The following FLNC variants were observed in gnomAD, a reference collection of about 807,000 sequenced individuals.
FLNC encodes the protein filamin C, also known as filamin-C.
Under a neutral mutation model 254.3 loss-of-function variants are expected in FLNC, and 91 were observed. The observed-to-expected ratio is 0.36, with a 90% CI of 0.30 to 0.43. FLNC has a LOEUF of 0.43. Ranked by LOEUF, FLNC falls within the 20% of genes least tolerant of loss-of-function variation. The probability of loss-of-function intolerance (pLI) is 1.00; values close to 1 mark genes in which losing one functional copy is unlikely to be tolerated. For missense variants in FLNC, 2,853 were observed against 3,802.6 expected (o/e 0.75, Z 6.57); for synonymous variants, 1,430 against 1,577.2 (o/e 0.91, Z 2.21).
intron 9 of FLNC, 105 bp downstream of exon 9, chr7:128,840,265 C>A: frequency 7.2e-7 from 1 of 1,397,972 alleles, no homozygotes; most frequent in South Asian, 1.2e-5. Flanking sequence ...AGCACCACAG[C>A]TCCACAGTGA....
chr7:128,849,198 G>A lies in FLNC; in HGVS notation c.4945G>A (p.Gly1649Ser). The A allele has an allele frequency of 6.2e-7, 1 of 1,614,026 alleles. No homozygotes were observed. The highest frequency in any genetic ancestry group is 8.5e-7 in the Non-Finnish European group (1 of 1,180,012). ...CTTTCCAGTGTCCATTGGAGGCCATGGCCTGGGTGAGTGCCCTTTCTCTCC... is the reference window on the plus strand; with the variant it reads ...CTTTCCAGTGTCCATTGGAGGCCATAGCCTGGGTGAGTGCCCTTTCTCTCC... ...CLVTVSIGGH[G>S]LGACLGPRIQ... The change falls in exon 29 of 48, where the codon GGC (glycine) becomes AGC (serine). Residue 1649 changes from glycine (G) to serine (S), a missense_variant. This residue lies in a region of FLNC where 258 missense variants were observed against 312.3 expected (regional missense o/e 0.83). Coordinates refer to ENST00000325888, the MANE Select transcript of FLNC (RefSeq NM_001458.5).
intron 32 of FLNC, 29 bp from the exon 33 acceptor site, chr7:128,850,774 G>T: frequency 1.2e-6 from 2 of 1,613,498 alleles, no homozygotes; most frequent in Non-Finnish European, 1.7e-6. Context: ...GGAAACCAGG[G>T]TCTCCACGTA....
chr7:128,835,357 G>A lies in FLNC; in HGVS notation c.384G>A (p.Lys128=), dbSNP rs1402021655. 1.9e-6 allele frequency: 3 copies of A among 1,614,010 alleles called. No individual in the cohort carries two copies. Among genetic ancestry groups the A allele is most frequent in the Non-Finnish European group, 2.5e-6 (3 of 1,180,032 alleles). ...DSKAIVDGNL[K]LILGLIWTLI... Reference sequence around the variant, plus strand: ...AGGCCATCGTGGATGGGAACCTGAAGCTGATCCTGGGCCTGATCTGGACGC... The same window carrying A: ...AGGCCATCGTGGATGGGAACCTGAAACTGATCCTGGGCCTGATCTGGACGC... Residue 128 remains lysine, a synonymous_variant, in exon 2 of 48, where the codon AAG becomes AAA. Transcript: ENST00000325888. The surrounding 1 kb of genome is among the most constrained non-coding windows in gnomAD (Gnocchi z 5.3).
chr7:128,846,919 G>A lies in FLNC; in HGVS notation c.4288+14G>A. ...GGCCCATCCCAGGTGTGCAGAGAGA[G>A]TGGTCGGGGTCTCAGGGAAGACAAG... On this transcript the variant is annotated intron_variant, in intron 24 of 47. Coordinates refer to ENST00000325888, the MANE Select transcript of FLNC (RefSeq NM_001458.5). 1 of 1,614,154 alleles carries A rather than the reference G, an allele frequency of 6.2e-7. No individual in the cohort carries two copies. Among genetic ancestry groups the A allele is most frequent in the Non-Finnish European group, 8.5e-7 (1 of 1,180,030 alleles).
At position 128,849,624 on chromosome 7, in the gene FLNC, C is replaced by T. The variant is rs563197297; in HGVS notation, c.5199+46C>T. On this transcript the variant is annotated intron_variant, in intron 30 of 47. Transcript: ENST00000325888. ...AAGACTAGATGGCTGGGGAGGGGGGCCTGGCCCTTTTAGCAGCAGCAGGGA... is the reference window on the plus strand; with the variant it reads ...AAGACTAGATGGCTGGGGAGGGGGGTCTGGCCCTTTTAGCAGCAGCAGGGA... The T allele has an allele frequency of 1.3e-5, 21 of 1,605,022 alleles. No homozygotes were observed. The East Asian group carries it at 4.7e-4, about 36-fold the overall frequency.
Position 128,850,859 on chromosome 7 carries a change from G to A in FLNC, c.5455G>A (p.Asp1819Asn), listed in dbSNP as rs1808778177. The change falls in exon 33 of 48, where the codon GAC (aspartate) becomes AAC (asparagine). Residue 1819 changes from aspartate (D) to asparagine (N), a missense_variant. By Grantham distance (23) the Asp-to-Asn change is conservative. Coordinates refer to ENST00000325888, the MANE Select transcript of FLNC (RefSeq NM_001458.5). The stretch of plus-strand genomic sequence containing the variant: ...ACGGCCCAACATCACCGACAACAAG[G>A]ACGGCACCATCACGGTGAGGTATGC... The part of the protein sequence containing the change: ...TARPNITDNK[D>N]GTITVRYAPT... The A allele has an allele frequency of 6.2e-7, 1 of 1,613,706 alleles. No individual in the cohort carries two copies.
Position 128,846,879 on chromosome 7 carries a change from T to C in FLNC, c.4262T>C (p.Ile1421Thr), listed in dbSNP as rs747191340. The part of the protein sequence containing the change: ...PFTPGDYDVN[I>T]TFGGRPIPGS... ...ACTCCTGGAGACTATGACGTCAACATCACCTTCGGGGGGCGGCCCATCCCA... is the reference window on the plus strand; with the variant it reads ...ACTCCTGGAGACTATGACGTCAACACCACCTTCGGGGGGCGGCCCATCCCA... The change falls in exon 24 of 48, where the codon ATC becomes ACC. Residue 1421 changes from isoleucine (I) to threonine (T), a missense_variant. By Grantham distance (89) the Ile-to-Thr change is moderately conservative. Transcript: ENST00000325888. 6.2e-7 allele frequency: 1 copy of C among 1,614,212 alleles called. No individual in the cohort carries two copies. Among genetic ancestry groups the C allele is most frequent in the South Asian group, 1.1e-5 (1 of 91,090 alleles).
chr7:128,834,026 C>T (rs1807995312), intron 1 of FLNC, among the ~76,000 whole-genome samples: 1 of 152,102 alleles, frequency 6.6e-6, no homozygotes. Flanking sequence ...ATTTCCCAGG[C>T]TCTCGGTCTC....
At chr7:128,854,283 T>G in intron 40 of FLNC, 67 bp downstream of exon 40, 1 of 1,606,120 alleles carries the variant, frequency 6.2e-7, no homozygotes, top group Non-Finnish European at 8.5e-7. Context: ...GGACCAGGCT[T>G]GATGCTGGCA....
Position 128,850,392 on chromosome 7 carries a change from G to A in FLNC, c.5307G>A (p.Glu1769=). 2 of 1,613,558 alleles carry A rather than the reference G, an allele frequency of 1.2e-6. No individual in the cohort carries two copies. Among genetic ancestry groups the A allele is most frequent in the Non-Finnish European group, 1.7e-6 (2 of 1,179,510 alleles). The change falls in exon 32 of 48, where the codon GAG becomes GAA. Residue 1769 remains glutamate (E), a synonymous_variant. Transcript: ENST00000325888. ...PGARPTHWAT[E]EPVVPVEPME... ...CCTCTCACCTGCTGCAGGCCACAGAGGAGCCAGTGGTGCCTGTGGAGCCAA... is the reference window on the plus strand; with the variant it reads ...CCTCTCACCTGCTGCAGGCCACAGAAGAGCCAGTGGTGCCTGTGGAGCCAA...
At position 128,837,549 on chromosome 7, in the gene FLNC, G is replaced by A. The variant is rs1808146842; in HGVS notation, c.850+1G>A. ...AAGAAAGCCATCGCCTATGGGCCTG[G>A]TATGTGTGAGCCCCTGGCGGCCCTC... On this transcript the variant is annotated splice_donor_variant, in intron 4 of 47. Transcript: ENST00000325888. LOFTEE classifies it high-confidence loss of function. The A allele has an allele frequency of 6.2e-7, 1 of 1,614,026 alleles. No individual in the cohort carries two copies. Among genetic ancestry groups the A allele is most frequent in the South Asian group, 1.1e-5 (1 of 91,096 alleles).
In FLNC at chr7:128,852,749, A is replaced by G. The variant is rs774216969; in HGVS notation, c.6001A>G (p.Ile2001Val). The change falls in exon 36 of 48, where the codon ATT becomes GTT. Residue 2001 changes from isoleucine to valine, a missense_variant. Ile to Val is a conservative substitution (Grantham distance 29). This residue lies in a region of FLNC where 551 missense variants were observed against 835.0 expected (regional missense o/e 0.66). Coordinates refer to ENST00000325888, the MANE Select transcript of FLNC (RefSeq NM_001458.5). Reference sequence around the variant, plus strand: ...GCTGAAGCGCCTGCCCAACCGGCACATTGGTGAGCGTGGGGCCTCACGGGG... The same window carrying G: ...GCTGAAGCGCCTGCCCAACCGGCACGTTGGTGAGCGTGGGGCCTCACGGGG... ...CLLKRLPNRH[I>V]GISFTPKEVG... The G allele has an allele frequency of 6.2e-7, 1 of 1,613,194 alleles. No individual in the cohort carries two copies. The highest frequency in any genetic ancestry group is 1.7e-5 in the Admixed American group (1 of 60,014).
In FLNC at chr7:128,844,197, C is replaced by T; in HGVS notation, c.3123C>T (p.Thr1041=). The T allele has an allele frequency of 1.9e-6, 3 of 1,613,208 alleles. No individual in the cohort carries two copies. The highest frequency in any genetic ancestry group is 2.5e-6 in the Non-Finnish European group (3 of 1,179,506). The part of the protein sequence containing the change: ...PEEGPYKVDI[T]YDGHPVPGSP... Reference sequence around the variant, plus strand: ...AGGGGCCCTACAAGGTGGATATCACCTACGATGGTCACCCGGTGCCTGGCA... The same window carrying T: ...AGGGGCCCTACAAGGTGGATATCACTTACGATGGTCACCCGGTGCCTGGCA... The change falls in exon 20 of 48, where the codon ACC becomes ACT. Residue 1041 remains threonine, a synonymous_variant. Transcript: ENST00000325888.
rs1339401570 is a variant in FLNC, at chr7:128,844,722, A to T, written c.3257A>T (p.Asp1086Val). The T allele has an allele frequency of 1.9e-6, 3 of 1,613,656 alleles. No individual in the cohort carries two copies. Among genetic ancestry groups the T allele is most frequent in the Non-Finnish European group, 2.5e-6 (3 of 1,179,994 alleles). The change falls in exon 21 of 48, where the codon GAC becomes GTC. Residue 1086 changes from aspartate to valine, a missense_variant. Transcript: ENST00000325888. ...LVGTPAPFSI[D>V]TKGAGTGGLG... ...GGCACCCCCGCGCCATTCTCCATCG[A>T]CACCAAGGGGGCTGGCACAGGTGGC...
Position 128,856,811 on chromosome 7 carries a change from G to T in FLNC, c.7451G>T (p.Gly2484Val). ...GVHSIDVKFNGAHIPGSPFKI... is the reference protein window; with the variant it reads ...GVHSIDVKFNVAHIPGSPFKI... The stretch of plus-strand genomic sequence containing the variant: ...CACTCCATCGATGTCAAGTTCAACG[G>T]TGCCCACATCCCTGGAAGTCCCTTC... The change falls in exon 45 of 48, where the codon GGT (glycine) becomes GTT (valine). Residue 2484 changes from glycine (G) to valine (V), a missense_variant. By Grantham distance (109) the Gly-to-Val change is moderately radical. Around this residue, in one of 10 missense-constraint regions of FLNC, gnomAD observed 197 missense variants for 351.5 expected, o/e 0.56. Coordinates refer to ENST00000325888, the MANE Select transcript of FLNC (RefSeq NM_001458.5). This position sits in a 1 kb window ranked among gnomAD's most constrained non-coding sequence, Gnocchi z 5.9. The T allele has an allele frequency of 1.9e-6, 3 of 1,614,162 alleles. No homozygotes were observed. Among genetic ancestry groups the T allele is most frequent in the Non-Finnish European group, 2.5e-6 (3 of 1,180,022 alleles).
chr7:128,846,200 G>A lies in FLNC; in HGVS notation c.3964+37G>A. 1.9e-6 allele frequency: 3 copies of A among 1,613,586 alleles called. No individual in the cohort carries two copies. In the South Asian group the frequency reaches 3.3e-5, roughly 18 times the overall value. ...TGGGCCAGGCTAGTGGGCAGGGCTG[G>A]GCAAGTGGGCAGGGCCGGGATCTGA... On this transcript the variant is annotated intron_variant, in intron 22 of 47. Transcript: ENST00000325888.
intron 6 of FLNC, 85 bp downstream of exon 6, chr7:128,838,149 C>A: frequency 6.7e-7 from 1 of 1,484,514 alleles, no homozygotes; most frequent in Non-Finnish European, 9.4e-7. Flanking sequence ...GCCTGTACCT[C>A]GCGCCTGCCC....
chr7:128,843,668 C>T (rs1356427206), intron 18 of FLNC, 91 bp downstream of exon 18: 16 of 1,534,688 alleles, frequency 1.0e-5, no homozygotes, highest in Middle Eastern at 1.7e-4. Context: ...GTTCTGGATC[C>T]TCCACGCCTT....
At position 128,837,654 on chromosome 7, in the gene FLNC, A is replaced by G. The variant is rs1329109141; in HGVS notation, c.868A>G (p.Asn290Asp). 4 of 1,612,702 alleles carry G rather than the reference A, an allele frequency of 2.5e-6. No individual in the cohort carries two copies. The highest frequency in any genetic ancestry group is 3.4e-6 in the Non-Finnish European group (4 of 1,179,994). The change falls in exon 5 of 48, where the codon AAC becomes GAC. Residue 290 changes from asparagine (N) to aspartate (D), a missense_variant. Around this residue, in one of 10 missense-constraint regions of FLNC, gnomAD observed 1,573 missense variants for 1,883.5 expected, o/e 0.84. Transcript: ENST00000325888. ...CCCCGTAGGCATCGAGCCACAGGGC[A>G]ACACCGTGCTGCAGCCTGCCCACTT... ...AYGPGIEPQGNTVLQPAHFTV... is the reference protein window; with the variant it reads ...AYGPGIEPQGDTVLQPAHFTV...
Sources: allele counts gnomAD v4.1 joint callset (sites outside exome capture counted in the v4.1 genomes callset), GRCh38; gene constraint gnomAD v4.1.1; regional missense constraint gnomAD v4.1.1; non-coding constraint Gnocchi (gnomAD v3.1); transcripts MANE v1.5; gene names NCBI Gene and HGNC (gene_info 2026-07-23, HGNC 2026-07-21).